The following PCDH15 variants were observed in gnomAD, a reference collection of about 807,000 sequenced individuals.
PCDH15 encodes protocadherin-15.
Under a neutral mutation model 178.5 loss-of-function variants are expected in PCDH15, and 129 were observed. The observed-to-expected ratio is 0.72, with a 90% CI of 0.63 to 0.84. The LOEUF (loss-of-function observed/expected upper bound fraction) is 0.84. PCDH15 is among the 40% of genes least tolerant of loss of function. The pLI, the probability that PCDH15 is intolerant of heterozygous loss-of-function variation, is 0.00. For missense variants in PCDH15, 2,230 were observed against 2,099.9 expected (o/e 1.06, Z -1.21); for synonymous variants, 800 against 732.0 (o/e 1.09, Z -1.50).
rs181923733 is a variant in PCDH15, at chr10:54,881,958, T to C, written c.-29+15492A>G. ...AATATATATTTGAAAATATCAGTAT[T>C]GCCTAAATATAAGTGCCATGAGGGC... On this transcript the variant is annotated intron_variant, in intron 3 of 5. Coordinates refer to the PCDH15 transcript ENST00000458638. Among the ~76,000 whole-genome samples, 365 of 152,278 alleles carry C rather than the reference T, an allele frequency of 2.4e-3. 4 individuals are homozygous for C. Among genetic ancestry groups the C allele is most frequent in the East Asian group, 0.011 (59 of 5,188 alleles).
chr10:54,737,417 T>A (rs1430993574), intron 1 of PCDH15, among the ~76,000 whole-genome samples: 2 of 152,094 alleles, frequency 1.3e-5, no homozygotes, highest in African/African-American at 4.8e-5. Context: ...TCTAAGAATG[T>A]ATAATGGAAA....
chr10:55,314,601 C>A (rs1005651485), intron 1 of PCDH15, among the ~76,000 whole-genome samples: 1 of 151,864 alleles, frequency 6.6e-6, no homozygotes, highest in Non-Finnish European at 1.5e-5. Context: ...TTCCAACTGC[C>A]TGTAACTTTT....
chr10:54,057,213 C>G (rs969090777), intron 18 of PCDH15, among the ~76,000 whole-genome samples: 1 of 152,220 alleles, frequency 6.6e-6, no homozygotes, highest in Non-Finnish European at 1.5e-5. Flanking sequence ...CCTCTTTTCA[C>G]AGCTCCACTA....
At chr10:55,353,112 C>T (rs1208882139) in intron 2 of PCDH15, among the ~76,000 whole-genome samples, 3 of 152,210 alleles carry the variant, frequency 2.0e-5, no homozygotes, top group South Asian at 4.1e-4. Flanking sequence ...TCTGACCATC[C>T]GACTACCACT....
intron 1 of PCDH15, among the ~76,000 whole-genome samples, chr10:54,794,016 A>G (rs1259528262): frequency 6.7e-6 from 1 of 148,542 alleles, no homozygotes; most frequent in Non-Finnish European, 1.5e-5. Context: ...TTTGAAAACA[A>G]TGCACAGCTA....
At chr10:54,434,215 AAGATAC>A (rs1264298097) in intron 3 of PCDH15, among the ~76,000 whole-genome samples, 9 of 151,748 alleles carry the variant, frequency 5.9e-5, no homozygotes, top group African/African-American at 1.9e-4. Context: ...TTATTAAGTA[AAGATAC>A]AGTAAGCTAA....
rs575709321 is a variant in PCDH15 at position 53,824,952 on chromosome 10, CAT to C, written c.4367+2439_4367+2440del. The stretch of plus-strand genomic sequence containing the variant: ...GGCACAGGTACCATCACAGCGAACA[CAT>C]GTTTTAAGCTCATGCCATCAAAAGG... On this transcript the variant is annotated intron_variant, in intron 32 of 37. Coordinates refer to ENST00000644397, the MANE Select transcript of PCDH15 (RefSeq NM_001384140.1). 3.9e-3 allele frequency among the ~76,000 whole-genome samples: 597 copies of C among 152,140 alleles called. 4 individuals carry two copies. The highest frequency in any genetic ancestry group is 0.012 in the African/African-American group (479 of 41,532).
Position 54,020,322 on chromosome 10 carries a change from A to C in PCDH15, c.2621T>G (p.Leu874Arg). Residue 874 changes from leucine (L) to arginine (R), a missense_variant, in exon 20 of 38, where the codon CTA becomes CGA. Coordinates refer to ENST00000644397, the MANE Select transcript of PCDH15 (RefSeq NM_001384140.1). ...ATAATCTAAACTCCTTAAAAGCGAT[A>C]GTTCTCCTGTAAATGGATGTAGTGC... ...FFALHPFTGE[L>R]SLLRSLDYEA... 1 of 1,613,856 alleles carries C rather than the reference A, an allele frequency of 6.2e-7. No individual in the cohort carries two copies. Among genetic ancestry groups the C allele is most frequent in the East Asian group, 2.2e-5 (1 of 44,870 alleles).
At chr10:55,348,962 C>T (rs1428630599) in intron 2 of PCDH15, among the ~76,000 whole-genome samples, 1 of 151,984 alleles carries the variant, frequency 6.6e-6, no homozygotes, top group Non-Finnish European at 1.5e-5. Context: ...TTGTGGAGAA[C>T]AAAACATTGT....
intron 3 of PCDH15, among the ~76,000 whole-genome samples, chr10:54,886,196 T>C (rs1954355062): frequency 6.6e-6 from 1 of 152,096 alleles, no homozygotes; most frequent in African/African-American, 2.4e-5. Flanking sequence ...ATGAGACATT[T>C]AATTTATAGT....
chr10:55,138,498 C>G (rs554443760), intron 2 of PCDH15, among the ~76,000 whole-genome samples: 1 of 152,160 alleles, frequency 6.6e-6, no homozygotes, highest in East Asian at 1.9e-4. Context: ...CTCTGCGTTT[C>G]CCCCAATGTT....
chr10:53,806,743 G>T lies in PCDH15; in HGVS notation c.5059C>A (p.Pro1687Thr), dbSNP rs762646821. 3 of 1,613,746 alleles carry T rather than the reference G, an allele frequency of 1.9e-6. No homozygotes were observed. Among genetic ancestry groups the T allele is most frequent in the East Asian group, 2.2e-5 (1 of 44,868 alleles). ...PVGTDNTAVK[P>T]LRNRLKSTVE... ...GTGCTTTTCAGCCTGTTCCTTAGTG[G>T]CTTCACCGCTGTATTGTCAGTCCCC... Residue 1687 changes from proline (P) to threonine (T), a missense_variant, in exon 38 of 38, where the codon CCA (proline) becomes ACA (threonine). Transcript: ENST00000644397.
intron 11 of PCDH15, among the ~76,000 whole-genome samples, chr10:54,185,806 T>G (rs140976930): frequency 1.3e-5 from 2 of 152,202 alleles, no homozygotes; most frequent in African/African-American, 4.8e-5. Flanking sequence ...TTACTCTTTC[T>G]TATTTTAATG....
chr10:55,125,827 G>C (rs1837885529), intron 2 of PCDH15, among the ~76,000 whole-genome samples: 1 of 150,212 alleles, frequency 6.7e-6, no homozygotes. Flanking sequence ...TATAATCCTT[G>C]CTTTCTGCAG....
intron 1 of PCDH15, among the ~76,000 whole-genome samples, chr10:55,301,260 C>T (rs868188471): frequency 7.2e-5 from 11 of 152,208 alleles, no homozygotes; most frequent in Middle Eastern, 3.4e-3. Flanking sequence ...GAATCCTTCC[C>T]AGTGTTTGCT....
At chr10:53,879,403 GT>G (rs1160881682) in intron 26 of PCDH15, among the ~76,000 whole-genome samples, 1 of 152,116 alleles carries the variant, frequency 6.6e-6, no homozygotes, top group Non-Finnish European at 1.5e-5. Flanking sequence ...TATAAGGAGG[GT>G]GGGAGCCAAG....
At chr10:55,532,266 T>C (rs1467802643) in intron 2 of PCDH15, among the ~76,000 whole-genome samples, 1 of 152,018 alleles carries the variant, frequency 6.6e-6, no homozygotes. Flanking sequence ...CAGCTGCTCA[T>C]GTTGACTAAA....
intron 3 of PCDH15, among the ~76,000 whole-genome samples, chr10:54,393,137 T>TA (rs1353238969): frequency 6.6e-6 from 1 of 152,142 alleles, no homozygotes; most frequent in African/African-American, 2.4e-5. Flanking sequence ...TACATATTAA[T>TA]AAAATCAGCC....
intron 2 of PCDH15, among the ~76,000 whole-genome samples, chr10:55,047,512 A>T (rs1056798082): frequency 1.3e-5 from 2 of 151,856 alleles, no homozygotes; most frequent in Admixed American, 6.6e-5. Flanking sequence ...CTTTTGAAGA[A>T]CTCATAGCTA....
Sources: allele counts gnomAD v4.1 joint callset (sites outside exome capture counted in the v4.1 genomes callset), GRCh38; gene constraint gnomAD v4.1.1; transcripts MANE v1.5; gene names NCBI Gene and HGNC (gene_info 2026-07-23, HGNC 2026-07-21).